The following CPD variants were observed in gnomAD, a reference collection of about 807,000 sequenced individuals.
CPD encodes metallocarboxypeptidase D.
Under a neutral mutation model 138.3 loss-of-function variants are expected in CPD, and 69 were observed. The observed-to-expected ratio is 0.50, with a 90% CI of 0.41 to 0.61. The LOEUF is 0.61. Among genes scored for constraint, CPD ranks in the 20% least tolerant of loss-of-function variants. The pLI, the probability that CPD is intolerant of heterozygous loss-of-function variation, is 0.00. For missense variants in CPD, 1,432 were observed against 1,733.3 expected (o/e 0.83, Z 3.09); for synonymous variants, 651 against 642.1 (o/e 1.01, Z -0.21).
At chr17:30,385,580 C>T (rs1911164258) in intron 2 of CPD, among the ~76,000 whole-genome samples, 1 of 146,892 alleles carries the variant, frequency 6.8e-6, no homozygotes, top group Non-Finnish European at 1.5e-5. Context: ...TTGCAGATTT[C>T]ACAACACTTT....
intron 2 of CPD, among the ~76,000 whole-genome samples, chr17:30,391,860 G>T (rs1911364457): frequency 6.6e-6 from 1 of 152,160 alleles, no homozygotes; most frequent in African/African-American, 2.4e-5. Context: ...ACTTACTCTT[G>T]AAGATAGGGA....
chr17:30,467,080 G>A lies in CPD; in HGVS notation c.*2266G>A, dbSNP rs894080568. On this transcript the variant is annotated 3_prime_UTR_variant, in exon 21 of 21. Coordinates refer to ENST00000225719, the MANE Select transcript of CPD (RefSeq NM_001304.5). ...AGCCCTGCCCTGTCTTTTATTTGCG[G>A]GTCTAATCTAATATTAGAATATATT... 2.0e-5 allele frequency: 3 copies of A among 152,522 alleles called. No individual in the cohort carries two copies. The highest frequency in any genetic ancestry group is 2.9e-5 in the Non-Finnish European group (2 of 68,010). 9.4% of individuals were successfully genotyped at this position (152,522 alleles called of 1,614,324 possible). A position where few individuals can be genotyped will look rare whatever the true frequency, so the allele number is the denominator to read the frequency against.
chr17:30,389,935 G>T (rs146687631), intron 2 of CPD, among the ~76,000 whole-genome samples: 56 of 152,240 alleles, frequency 3.7e-4, no homozygotes, highest in South Asian at 6.2e-4. Flanking sequence ...GTTTCAACAG[G>T]GTGAATTCAT....
At position 30,439,014 on chromosome 17, in the gene CPD, A is replaced by G; in HGVS notation, c.2167A>G (p.Met723Val). The G allele has an allele frequency of 1.3e-6, 2 of 1,588,544 alleles. No individual in the cohort carries two copies. The highest frequency in any genetic ancestry group is 1.7e-6 in the Non-Finnish European group (2 of 1,172,650). Residue 723 changes from methionine to valine, a missense_variant, in exon 9 of 21, where the codon ATG (methionine) becomes GTG (valine). Met to Val is a conservative substitution (Grantham distance 21, BLOSUM62 1). This residue lies in a region of CPD where 297 missense variants were observed against 405.3 expected (regional missense o/e 0.73). Transcript: ENST00000225719. ...QMFQGRPCKN[M>V]YPNEYFPHGI... The stretch of plus-strand genomic sequence containing the variant: ...GTTTCAAGGTAGACCTTGCAAGAAT[A>G]TGTATCCTAATGAATATTTTCCTCA...
At chr17:30,435,368 A>AT (rs57238077) in intron 8 of CPD, among the ~76,000 whole-genome samples, 46 of 148,222 alleles carry the variant, frequency 3.1e-4, no homozygotes, top group Middle Eastern at 3.5e-3. Context: ...TGGTCAGTTG[A>AT]TTTTTTTTTT....
intron 6 of CPD, among the ~76,000 whole-genome samples, chr17:30,424,384 A>C (rs1912346388): frequency 6.6e-6 from 1 of 152,144 alleles, no homozygotes; most frequent in Admixed American, 6.5e-5. Flanking sequence ...GATTTCCAAA[A>C]GAGAGGAGGC....
chr17:30,446,319 T>A (rs1020525145), intron 12 of CPD, among the ~76,000 whole-genome samples: 3 of 152,140 alleles, frequency 2.0e-5, no homozygotes, highest in Non-Finnish European at 4.4e-5. Flanking sequence ...ATGCTATCCC[T>A]CCCCCCTACC....
chr17:30,423,640 A>T lies in CPD; in HGVS notation c.1792A>T (p.Thr598Ser). 6.2e-7 allele frequency: 1 copy of T among 1,610,932 alleles called. No individual in the cohort carries two copies. The highest frequency in any genetic ancestry group is 1.7e-4 in the Middle Eastern group (1 of 6,046). The part of the protein sequence containing the change: ...DPEVTDLVHN[T>S]RIHLMPSMNP... ...TGAAGTCACAGATTTGGTTCATAACACTAGAATTCACCTTATGCCATCCAT... is the reference window on the plus strand; with the variant it reads ...TGAAGTCACAGATTTGGTTCATAACTCTAGAATTCACCTTATGCCATCCAT... Residue 598 changes from threonine to serine, a missense_variant, in exon 6 of 21, where the codon ACT becomes TCT. Around this residue, in one of 6 missense-constraint regions of CPD, gnomAD observed 297 missense variants for 405.3 expected, o/e 0.73. Coordinates refer to ENST00000225719, the MANE Select transcript of CPD (RefSeq NM_001304.5).
At chr17:30,385,952 C>T (rs1323127682) in intron 2 of CPD, among the ~76,000 whole-genome samples, 2 of 151,922 alleles carry the variant, frequency 1.3e-5, no homozygotes, top group Non-Finnish European at 2.9e-5. Context: ...CCCATAACGT[C>T]AAGCTGCAAG....
At chr17:30,427,159 G>A (rs1912437566) in intron 6 of CPD, among the ~76,000 whole-genome samples, 1 of 150,828 alleles carries the variant, frequency 6.6e-6, no homozygotes, top group Non-Finnish European at 1.5e-5. Context: ...TCCAGCCTGG[G>A]TGACTGAGTG....
At chr17:30,453,112 C>G (rs1007898024) in intron 14 of CPD, among the ~76,000 whole-genome samples, 28 of 152,134 alleles carry the variant, frequency 1.8e-4, no homozygotes, top group Non-Finnish European at 3.7e-4. Context: ...CTGGCCCCTC[C>G]CAAATCTCAT....
chr17:30,451,791 T>C lies in CPD; in HGVS notation c.3150T>C (p.Thr1050=). The change falls in exon 14 of 21, where the codon ACT becomes ACC. Residue 1050 remains threonine (T), a synonymous_variant. Coordinates refer to ENST00000225719, the MANE Select transcript of CPD (RefSeq NM_001304.5). ...GRERAQEKDC[T]SKIGQTNARG... ...AGAGAGCTCAAGAGAAAGACTGTAC[T>C]TCAAAAATAGGACAAACAAATGCTC... 6.2e-7 allele frequency: 1 copy of C among 1,614,126 alleles called. No homozygotes were observed. The highest frequency in any genetic ancestry group is 2.2e-5 in the East Asian group (1 of 44,858).
chr17:30,425,324 A>G (rs1567875595), intron 6 of CPD, among the ~76,000 whole-genome samples: 1 of 152,094 alleles, frequency 6.6e-6, no homozygotes, highest in Non-Finnish European at 1.5e-5. Flanking sequence ...TATTTCTTAC[A>G]ATGTCTTAGT....
At chr17:30,455,066 CT>C in intron 14 of CPD, 1 of 232,520 alleles carries the variant, frequency 4.3e-6, no homozygotes, top group Non-Finnish European at 8.3e-6. Context: ...GCTGGATATG[CT>C]TATTCTTTTT....
intron 1 of CPD, chr17:30,380,478 A>G (rs1039428739): frequency 5.6e-5 from 73 of 1,302,258 alleles, no homozygotes; most frequent in Non-Finnish European, 6.7e-5. Flanking sequence ...TTGTGATGTC[A>G]TTTGTGCACC....
At chr17:30,382,101 T>C (rs372465245) in intron 1 of CPD, among the ~76,000 whole-genome samples, 1 of 152,178 alleles carries the variant, frequency 6.6e-6, no homozygotes, top group East Asian at 1.9e-4. Flanking sequence ...ATAAATGATA[T>C]TTGAATGTGT....
chr17:30,450,961 T>C (rs2143487632), intron 13 of CPD, among the ~76,000 whole-genome samples: 1 of 152,208 alleles, frequency 6.6e-6, no homozygotes, highest in Admixed American at 6.5e-5. Context: ...AGTGAAACAC[T>C]CACTAATTGG....
chr17:30,459,624 G>T (rs1913414085), intron 17 of CPD, among the ~76,000 whole-genome samples: 1 of 151,674 alleles, frequency 6.6e-6, no homozygotes, highest in South Asian at 2.1e-4. Flanking sequence ...GATTGTTTTG[G>T]CTATTCAGGG....
chr17:30,449,669 C>G lies in CPD; in HGVS notation c.2990C>G (p.Ala997Gly). ...IRFVAGIHGN[A>G]PVGTELLLAL... is the part of the protein sequence containing the mutation. Reference sequence around the variant, plus strand: ...TTTGTTGCTGGTATCCATGGAAATGCGCCAGTTGGAACTGAACTGCTTTTG... The same window carrying G: ...TTTGTTGCTGGTATCCATGGAAATGGGCCAGTTGGAACTGAACTGCTTTTG... Residue 997 changes from alanine (A) to glycine (G), a missense_variant, in exon 13 of 21, where the codon GCG (alanine) becomes GGG (glycine). Transcript: ENST00000225719. The G allele has an allele frequency of 6.2e-7, 1 of 1,607,578 alleles. No individual in the cohort carries two copies. Among genetic ancestry groups the G allele is most frequent in the South Asian group, 1.1e-5 (1 of 89,680 alleles).
Sources: allele counts gnomAD v4.1 joint callset (sites outside exome capture counted in the v4.1 genomes callset), GRCh38; gene constraint gnomAD v4.1.1; regional missense constraint gnomAD v4.1.1; transcripts MANE v1.5; gene names NCBI Gene and HGNC (gene_info 2026-07-23, HGNC 2026-07-21).